Variants in SCHIP1 observed in about 807,000 individuals in gnomAD.
SCHIP1 encodes schwannomin-interacting protein 1.
Under a neutral mutation model 29.7 loss-of-function variants are expected in SCHIP1, and 8 were observed. The ratio of observed to expected loss-of-function variants is 0.27; its 90% CI spans 0.16 to 0.49. The LOEUF is 0.49. Ranked by LOEUF, SCHIP1 falls within the 20% of genes least tolerant of loss-of-function variation. The pLI, the probability that SCHIP1 is intolerant of heterozygous loss-of-function variation, is 0.99. For synonymous variants in SCHIP1, 76 were observed against 94.9 expected (o/e 0.80, Z 1.16); for missense variants, 193 against 294.6 (o/e 0.66, Z 2.52).
chr3:159,713,409 C>T, the SCHIP1 span, among the ~76,000 whole-genome samples: 2 of 152,280 alleles, frequency 1.3e-5, no homozygotes, highest in East Asian at 3.9e-4. Flanking sequence ...GCCCCAACCC[C>T]TCACTCCAGT....
the SCHIP1 span, among the ~76,000 whole-genome samples, chr3:159,392,089 C>G: frequency 6.6e-6 from 1 of 152,000 alleles, no homozygotes; most frequent in Non-Finnish European, 1.5e-5. Flanking sequence ...TTTGTTTTTT[C>G]TTTCACTGCC....
intron 6 of SCHIP1, 105 bp from the exon 8 acceptor site, chr3:159,896,618 G>T (rs1158269819): frequency 3.4e-5 from 38 of 1,127,848 alleles, no homozygotes; most frequent in Non-Finnish European, 1.2e-6. Flanking sequence ...CTATTTCACT[G>T]TCAGTAACTC....
At chr3:159,804,309 T>C in the SCHIP1 span, among the ~76,000 whole-genome samples, 2 of 152,216 alleles carry the variant, frequency 1.3e-5, no homozygotes, top group African/African-American at 4.8e-5. Context: ...GTCAGTTCAT[T>C]ACTTTCAAAG....
chr3:159,783,308 C>T, the SCHIP1 span, among the ~76,000 whole-genome samples: 6 of 152,292 alleles, frequency 3.9e-5, no homozygotes, highest in Admixed American at 2.0e-4. Flanking sequence ...GAGGGATTGA[C>T]AGCTGAATGG....
At chr3:159,397,338 G>A in the SCHIP1 span, among the ~76,000 whole-genome samples, 2,940 of 152,242 alleles carry the variant, frequency 0.019, 70 homozygotes, top group African/African-American at 0.059. Context: ...GTCATTCTCC[G>A]TCCAGCTTTG....
chr3:159,625,430 G>A, the SCHIP1 span, among the ~76,000 whole-genome samples: 1 of 152,118 alleles, frequency 6.6e-6, no homozygotes, highest in Admixed American at 6.6e-5. Flanking sequence ...AGTTCGAATA[G>A]CATTACATTT....
At chr3:159,273,855 A>T in the SCHIP1 span, 1 of 1,613,428 alleles carries the variant, frequency 6.2e-7, no homozygotes, top group Admixed American at 1.7e-5. Flanking sequence ...ACAACGTGGG[A>T]CTGTGACCAG....
the SCHIP1 span, among the ~76,000 whole-genome samples, chr3:159,422,212 T>A: frequency 1.3e-5 from 2 of 152,330 alleles, no homozygotes; most frequent in African/African-American, 2.4e-5. Flanking sequence ...TTTTATTTCA[T>A]CAATGGATTG....
the SCHIP1 span, among the ~76,000 whole-genome samples, chr3:159,396,217 T>C: frequency 2.6e-5 from 4 of 151,428 alleles, no homozygotes; most frequent in African/African-American, 7.3e-5. Context: ...TGTGTGTCTC[T>C]GCACTTGAGA....
chr3:159,516,715 A>G, the SCHIP1 span, among the ~76,000 whole-genome samples: 2 of 151,940 alleles, frequency 1.3e-5, no homozygotes, highest in African/African-American at 4.8e-5. Context: ...CTTTTTTTCC[A>G]TCTTGATCTC....
the SCHIP1 span, among the ~76,000 whole-genome samples, chr3:159,679,445 G>A: frequency 0.024 from 3,677 of 152,244 alleles, 72 homozygotes; most frequent in African/African-American, 0.052. Flanking sequence ...ATTTTACAGT[G>A]GGAATTTCTA....
the SCHIP1 span, among the ~76,000 whole-genome samples, chr3:159,625,412 T>C: frequency 1.3e-5 from 2 of 152,194 alleles, no homozygotes; most frequent in Non-Finnish European, 2.9e-5. Context: ...AGGAAGCTTA[T>C]GGGGACCAGT....
the SCHIP1 span, among the ~76,000 whole-genome samples, chr3:159,460,925 G>C: frequency 6.6e-6 from 1 of 152,174 alleles, no homozygotes; most frequent in Admixed American, 6.6e-5. Flanking sequence ...TAAGTTAGTA[G>C]GATGTTATTC....
At chr3:159,408,638 A>G in the SCHIP1 span, among the ~76,000 whole-genome samples, 1 of 152,316 alleles carries the variant, frequency 6.6e-6, no homozygotes, top group South Asian at 2.1e-4. Flanking sequence ...GATCAAAGCC[A>G]TAATAAAAAG....
At chr3:159,662,066 CT>C in the SCHIP1 span, among the ~76,000 whole-genome samples, 1 of 152,188 alleles carries the variant, frequency 6.6e-6, no homozygotes, top group Non-Finnish European at 1.5e-5. Context: ...TGAGTCACCC[CT>C]GGTCACCTGC....
the SCHIP1 span, among the ~76,000 whole-genome samples, chr3:159,800,585 T>C: frequency 6.6e-6 from 1 of 152,218 alleles, no homozygotes; most frequent in Non-Finnish European, 1.5e-5. Flanking sequence ...GCTCTGTGGC[T>C]GCATGACAGT....
the SCHIP1 span, among the ~76,000 whole-genome samples, chr3:159,589,472 G>A: frequency 2.6e-5 from 4 of 152,192 alleles, 1 homozygote; most frequent in East Asian, 1.9e-4. Flanking sequence ...CTGCCTGATT[G>A]CCCTGGCCAG....
chr3:159,585,565 CA>C, the SCHIP1 span, among the ~76,000 whole-genome samples: 1 of 152,108 alleles, frequency 6.6e-6, no homozygotes, highest in Non-Finnish European at 1.5e-5. Context: ...TTTTGCCTTT[CA>C]GGTTGTGATT....
At chr3:159,631,902 G>A in the SCHIP1 span, among the ~76,000 whole-genome samples, 6 of 151,992 alleles carry the variant, frequency 3.9e-5, no homozygotes, top group African/African-American at 1.4e-4. Flanking sequence ...TGGTTTCTCT[G>A]TGTGATATGC....
Sources: allele counts gnomAD v4.1 joint callset (sites outside exome capture counted in the v4.1 genomes callset), GRCh38; gene constraint gnomAD v4.1.1; transcripts MANE v1.5; gene names NCBI Gene and HGNC (gene_info 2026-07-23, HGNC 2026-07-21).